Variants in TNS1 observed in about 807,000 individuals in gnomAD.
TNS1 encodes tensin 1.
Under a neutral mutation model 168.6 loss-of-function variants are expected in TNS1, and 62 were observed. That is an observed-to-expected ratio of 0.37 (90% CI 0.30 to 0.45). The LOEUF (loss-of-function observed/expected upper bound fraction) is 0.45, where lower values mean the gene tolerates loss of function less well. TNS1 is among the 20% of genes least tolerant of loss of function. The pLI is 1.00. For missense variants in TNS1, 2,240 were observed against 2,339.4 expected (o/e 0.96, Z 0.88); for synonymous variants, 934 against 933.2 (o/e 1.00, Z -0.02).
At chr2:217,903,591 C>T in intron 6 of TNS1, 3 of 1,536,188 alleles carry the variant, frequency 2.0e-6, no homozygotes, top group Non-Finnish European at 2.6e-6. Flanking sequence ...ACAGAACTCT[C>T]CCCATCCTTA....
rs1485861259 is a variant in TNS1 at position 217,902,634 on chromosome 2, A to C, written c.322-2122T>G. 2.0e-5 allele frequency among the ~76,000 whole-genome samples: 3 copies of C among 152,310 alleles called. No homozygotes were observed. In the East Asian group the frequency reaches 5.8e-4, roughly 29 times the overall value. ...TCCCCACCCCAAAAAAAGCCAGTGA[A>C]GATAAATAAAAACTTGGCCCAAACA... On this transcript the variant is annotated intron_variant, in intron 6 of 32. Coordinates refer to ENST00000682258, the MANE Select transcript of TNS1 (RefSeq NM_001387777.1).
chr2:217,947,713 A>T (rs1198279525), intron 3 of TNS1, among the ~76,000 whole-genome samples: 1 of 152,178 alleles, frequency 6.6e-6, no homozygotes, highest in Non-Finnish European at 1.5e-5. Context: ...AAGTCAAGAG[A>T]AAGATGGGGC....
At chr2:217,823,971 C>A (rs1943248017) in intron 22 of TNS1, among the ~76,000 whole-genome samples, 1 of 152,250 alleles carries the variant, frequency 6.6e-6, no homozygotes, top group Non-Finnish European at 1.5e-5. Flanking sequence ...GCACGAGGCT[C>A]TGCTGGAACT....
chr2:217,960,667 C>A (rs571699585), intron 3 of TNS1, among the ~76,000 whole-genome samples: 1 of 152,280 alleles, frequency 6.6e-6, no homozygotes, highest in African/African-American at 2.4e-5. Context: ...CCTTTCCCCG[C>A]CCAACACAAC....
At chr2:217,888,116 G>A (rs578177058) in intron 12 of TNS1, among the ~76,000 whole-genome samples, 72 of 152,276 alleles carry the variant, frequency 4.7e-4, no homozygotes, top group African/African-American at 1.6e-3. Context: ...GGCAGCACCC[G>A]ATCCTATTCA....
At chr2:217,805,571 A>ACAC (rs1559132594) in intron 32 of TNS1, among the ~76,000 whole-genome samples, 1 of 44,526 alleles carries the variant, frequency 2.2e-5, no homozygotes, top group East Asian at 6.7e-4. Context: ...ACCACCACAC[A>ACAC]CACCACACAC....
In TNS1 at chr2:217,942,028, C is replaced by T. The variant is rs536741537; in HGVS notation, c.187-21792G>A. Among the ~76,000 whole-genome samples the T allele has an allele frequency of 1.7e-3, 256 of 152,318 alleles. 1 individual carries two copies. Among genetic ancestry groups the T allele is most frequent in the Middle Eastern group, 6.8e-3 (2 of 294 alleles). The stretch of plus-strand genomic sequence containing the variant: ...CTCTGAACCCATAAGCATCCCAACC[C>T]AGCCCCGCTCCACCTGGCCACCAGG... On this transcript the variant is annotated intron_variant, in intron 3 of 32. Transcript: ENST00000682258.
chr2:217,874,289 A>G (rs1448628706), intron 18 of TNS1, among the ~76,000 whole-genome samples: 2 of 152,178 alleles, frequency 1.3e-5, no homozygotes, highest in Non-Finnish European at 2.9e-5. Context: ...TCAGCCCAGT[A>G]AGTACAAAAC....
At chr2:217,850,162 T>G in intron 18 of TNS1, 1 of 985,360 alleles carries the variant, frequency 1.0e-6, no homozygotes, top group Non-Finnish European at 1.2e-6. Flanking sequence ...ACAGCAGGTC[T>G]GCAAAGACGA....
rs1953707031 is a variant in TNS1, at chr2:217,906,385, C to T, written c.271G>A (p.Gly91Arg). The T allele has an allele frequency of 1.4e-6, 1 of 702,476 alleles. No individual in the cohort carries two copies. The highest frequency in any genetic ancestry group is 2.6e-6 in the Non-Finnish European group (1 of 384,858). 43.5% of individuals were successfully genotyped at this position (702,476 alleles called of 1,614,324 possible). A position where few individuals can be genotyped will look rare whatever the true frequency, so the allele number is the denominator to read the frequency against. The change falls in exon 6 of 33, where the codon GGA becomes AGA. Residue 91 changes from glycine (G) to arginine (R), a missense_variant and splice_region_variant. Transcript: ENST00000682258. Reference sequence around the variant, plus strand: ...TTTCCACCCCGGGAGGCTCCTTCTCCCTGCAGACAGAGAAAAGGCAGTCAG... The same window carrying T: ...TTTCCACCCCGGGAGGCTCCTTCTCTCTGCAGACAGAGAAAAGGCAGTCAG... The part of the protein sequence containing the change: ...ENAPKNVVDK[G>R]EGASRGGNTR...
In TNS1 at chr2:217,841,934, C is replaced by A. The variant is rs974783095; in HGVS notation, c.3007+5576G>T. 4 of 613,088 alleles carry A rather than the reference C, an allele frequency of 6.5e-6. No individual in the cohort carries two copies. The Admixed American group carries it at 1.1e-4, about 17-fold the overall frequency. The allele number at this position is 613,088 out of a possible 1,614,324, so 38.0% of individuals were successfully genotyped here. ...ACCTTCTCAGATGCACTAGAAGGACCTGCTATGTTATCCTTTCCTTGCCCC... is the reference window on the plus strand; with the variant it reads ...ACCTTCTCAGATGCACTAGAAGGACATGCTATGTTATCCTTTCCTTGCCCC... On this transcript the variant is annotated intron_variant, in intron 19 of 32. Coordinates refer to ENST00000682258, the MANE Select transcript of TNS1 (RefSeq NM_001387777.1).
intron 3 of TNS1, among the ~76,000 whole-genome samples, chr2:217,936,103 C>G (rs1956592473): frequency 6.6e-6 from 1 of 152,202 alleles, no homozygotes; most frequent in Non-Finnish European, 1.5e-5. Context: ...CAGCCACTCT[C>G]TGCACTCACC....
upstream of TNS1, among the ~76,000 whole-genome samples, chr2:218,014,870 CGGAAGGAAGGAAGGAAGGAA>C (rs56964991): frequency 1.6e-4 from 16 of 98,112 alleles, no homozygotes; most frequent in African/African-American, 4.9e-4. Context: ...GAAGGAAGGA[CGGAAGGAAGGAAGGAAGGAA>C]GGAAGGAAGG....
chr2:217,894,134 G>A (rs894763863), intron 9 of TNS1, among the ~76,000 whole-genome samples: 8 of 152,134 alleles, frequency 5.3e-5, no homozygotes, highest in African/African-American at 1.4e-4. Flanking sequence ...AGCAGGCTTC[G>A]GGCCTCTCAA....
intron 11 of TNS1, among the ~76,000 whole-genome samples, chr2:217,891,322 C>T (rs148410901): frequency 4.4e-4 from 67 of 152,324 alleles, no homozygotes; most frequent in African/African-American, 1.4e-3. Context: ...TTATGAGCCC[C>T]GTGTCCTGGT....
chr2:217,848,273 C>T lies in TNS1; in HGVS notation c.2244G>A (p.Ser748=), dbSNP rs765402619. 9 of 1,549,230 alleles carry T rather than the reference C, an allele frequency of 5.8e-6. No homozygotes were observed. The highest frequency in any genetic ancestry group is 5.0e-5 in the South Asian group (4 of 80,188). ...CTGGGGGCAGCTGGGGTTCAGCTTC[C>T]GAAAAGGATTGAGAGCGGAACATAC... The part of the protein sequence containing the change: ...PSGMFRSQSF[S]EAEPQLPPAP... The change falls in exon 19 of 33, where the codon TCG becomes TCA. Residue 748 remains serine, a synonymous_variant. Transcript: ENST00000682258.
intron 2 of TNS1, 87 bp downstream of exon 2, chr2:217,990,855 A>G: frequency 2.2e-6 from 1 of 446,776 alleles, no homozygotes; most frequent in Non-Finnish European, 4.1e-6. Context: ...GGATGTGTGC[A>G]CAGCAGAGTC....
At chr2:217,819,831 A>G (rs1005618131) in intron 23 of TNS1, among the ~76,000 whole-genome samples, 1 of 151,678 alleles carries the variant, frequency 6.6e-6, no homozygotes, top group African/African-American at 2.4e-5. Context: ...TGCACCAGGA[A>G]CCCCCCATGG....
chr2:217,825,367 C>T (rs1235962773), intron 22 of TNS1, among the ~76,000 whole-genome samples: 1 of 152,152 alleles, frequency 6.6e-6, no homozygotes, highest in Non-Finnish European at 1.5e-5. Flanking sequence ...CAGCTCCCTC[C>T]TGGTTCCTTA....
Sources: allele counts gnomAD v4.1 joint callset (sites outside exome capture counted in the v4.1 genomes callset), GRCh38; gene constraint gnomAD v4.1.1; transcripts MANE v1.5; gene names NCBI Gene and HGNC (gene_info 2026-07-23, HGNC 2026-07-21).